Variants in CHRDL2 observed in about 807,000 individuals in gnomAD.
CHRDL2 encodes chordin-like protein 2.
Under a neutral mutation model 54.3 loss-of-function variants are expected in CHRDL2, and 41 were observed. That is an observed-to-expected ratio of 0.76 (90% confidence interval 0.59 to 0.98). The LOEUF is 0.98. CHRDL2 is among the 50% of genes least tolerant of loss of function. CHRDL2 has a pLI of 0.00. For synonymous variants in CHRDL2, 220 were observed against 224.3 expected, an observed-to-expected ratio of 0.98 and a Z score of 0.17; for missense variants, 518 against 562.4, an observed-to-expected ratio of 0.92 and a Z score of 0.80.
intron 9 of CHRDL2, among the ~76,000 whole-genome samples, chr11:74,701,862 A>T (rs533340360): frequency 6.6e-6 from 1 of 152,376 alleles, no homozygotes; most frequent in South Asian, 2.1e-4. Context: ...CACACTTAAA[A>T]GAGTTTAATT....
rs201197716 is a variant in CHRDL2, at chr11:74,730,916, C to A, written c.-28G>T. 2.7e-5 allele frequency: 42 copies of A among 1,582,922 alleles called. No homozygotes were observed. In the African/African-American group the frequency reaches 5.1e-4, roughly 19 times the overall value. On this transcript the variant is annotated 5_prime_UTR_variant, in exon 1 of 11. Transcript: ENST00000376332. ...TTTCCCCAGGGTCAGGCCGCTGGTCCGGGAGCGGAGTCGGGAGGAAGGGAG... is the reference window on the plus strand; with the variant it reads ...TTTCCCCAGGGTCAGGCCGCTGGTCAGGGAGCGGAGTCGGGAGGAAGGGAG...
chr11:74,715,005 T>A (rs1021889180), intron 2 of CHRDL2, among the ~76,000 whole-genome samples: 1 of 152,198 alleles, frequency 6.6e-6, no homozygotes, highest in Non-Finnish European at 1.5e-5. Flanking sequence ...TCATCCCACT[T>A]CGTCTTCTCA....
At position 74,704,374 on chromosome 11, in the gene CHRDL2, T is replaced by A. The variant is rs2033930418; in HGVS notation, c.751+112A>T. The A allele has an allele frequency of 4.9e-6, 5 of 1,023,694 alleles. No homozygotes were observed. In the Admixed American group the frequency reaches 8.4e-5, roughly 17 times the overall value. 63.4% of individuals were successfully genotyped at this position (1,023,694 alleles called of 1,614,324 possible). A position where few individuals can be genotyped will look rare whatever the true frequency, so the allele number is the denominator to read the frequency against. Reference sequence around the variant, plus strand: ...CCGAGTCTACAAGCTCATGGCCAAGTTGGAATTAGGGAACTGCTGAGGAGA... The same window carrying A: ...CCGAGTCTACAAGCTCATGGCCAAGATGGAATTAGGGAACTGCTGAGGAGA... On this transcript the variant is annotated intron_variant, in intron 7 of 10. Transcript: ENST00000376332.
intron 1 of CHRDL2, among the ~76,000 whole-genome samples, chr11:74,726,403 T>C (rs988178816): frequency 2.6e-5 from 4 of 152,118 alleles, no homozygotes; most frequent in African/African-American, 9.7e-5. Context: ...ACCCATCCCC[T>C]ACTAGGCAGG....
In CHRDL2 at chr11:74,717,521, G is replaced by A. The variant is rs375530809; in HGVS notation, c.195+1199C>T. On this transcript the variant is annotated intron_variant, in intron 2 of 10. Coordinates refer to ENST00000376332, the MANE Select transcript of CHRDL2 (RefSeq NM_001278473.3). ...GGCAAACCGAGGGGAGGCAGTCATG[G>A]TGGGGGTTGTGTCCCCATTTCTACT... 5.3e-5 allele frequency among the ~76,000 whole-genome samples: 8 copies of A among 152,312 alleles called. No individual in the cohort carries two copies. The East Asian group carries it at 1.2e-3, about 22-fold the overall frequency.
At chr11:74,699,558 C>A (rs2033730654) in intron 9 of CHRDL2, 1 of 152,258 alleles carries the variant, frequency 6.6e-6, no homozygotes, top group South Asian at 2.1e-4. Context: ...GTGCCAGATA[C>A]CATCAAGCCA....
rs2033599696 is a variant in CHRDL2 at position 74,696,584 on chromosome 11, A to T, written c.1215T>A (p.Gly405=). 2 of 1,612,788 alleles carry T rather than the reference A, an allele frequency of 1.2e-6. No individual in the cohort carries two copies. Among genetic ancestry groups the T allele is most frequent in the South Asian group, 2.2e-5 (2 of 91,030 alleles). Residue 405 remains glycine, a splice_region_variant and synonymous_variant, in exon 11 of 11, where the codon GGT becomes GGA. Coordinates refer to ENST00000376332, the MANE Select transcript of CHRDL2 (RefSeq NM_001278473.3). ...HFRLLAGPHE[G]HWNVFLAQTL... ...TCTGGGCTAGGAAGACGTTCCAGTG[A>T]CCTGCATGGAGGAGGGCAGAAGAGG...
intron 1 of CHRDL2, among the ~76,000 whole-genome samples, chr11:74,719,733 A>T (rs1245195012): frequency 6.6e-6 from 1 of 152,200 alleles, no homozygotes. Flanking sequence ...GAATGCTTCT[A>T]AGAATTACTA....
chr11:74,711,871 A>G (rs1318256949), intron 3 of CHRDL2, among the ~76,000 whole-genome samples: 2 of 151,240 alleles, frequency 1.3e-5, no homozygotes, highest in African/African-American at 4.9e-5. Flanking sequence ...GTGCAGTGGC[A>G]CGATCTCAGC....
intron 9 of CHRDL2, among the ~76,000 whole-genome samples, chr11:74,700,643 A>ATTATT (rs1554984229): frequency 1.8e-4 from 25 of 136,032 alleles, no homozygotes; most frequent in African/African-American, 4.5e-4. Context: ...TATTATTATT[A>ATTATT]TTTTTTTTTT....
intron 1 of CHRDL2, among the ~76,000 whole-genome samples, chr11:74,725,096 C>T (rs942451949): frequency 6.6e-6 from 1 of 152,008 alleles, no homozygotes; most frequent in Non-Finnish European, 1.5e-5. Context: ...CAGGTTCAAG[C>T]GATTCTCCTG....
intron 2 of CHRDL2, among the ~76,000 whole-genome samples, chr11:74,715,159 T>C (rs1320210386): frequency 6.6e-6 from 1 of 152,216 alleles, no homozygotes; most frequent in African/African-American, 2.4e-5. Context: ...GAGCTGCCTC[T>C]GGTGGGTAGA....
chr11:74,727,640 A>C (rs780730025), intron 1 of CHRDL2, among the ~76,000 whole-genome samples: 3 of 152,132 alleles, frequency 2.0e-5, no homozygotes, highest in Non-Finnish European at 2.9e-5. Flanking sequence ...CCTGGGCTCA[A>C]GTAATCCATC....
intron 6 of CHRDL2, 112 bp downstream of exon 6, chr11:74,706,375 A>G: frequency 9.6e-7 from 1 of 1,046,200 alleles, no homozygotes; most frequent in African/African-American, 1.6e-5. Flanking sequence ...AACCCAGGGG[A>G]CAAACAAGAA....
At chr11:74,701,120 C>G (rs771994204) in intron 9 of CHRDL2, 1 of 153,114 alleles carries the variant, frequency 6.5e-6, no homozygotes, top group Non-Finnish European at 1.5e-5. Flanking sequence ...AAAGCTGCCT[C>G]TCTGCATTTC....
intron 1 of CHRDL2, among the ~76,000 whole-genome samples, chr11:74,729,600 C>T (rs758001268): frequency 1.3e-5 from 2 of 152,148 alleles, no homozygotes; most frequent in African/African-American, 2.4e-5. Context: ...GAAACAAGAC[C>T]GTAACAAAGT....
At chr11:74,730,533 T>C (rs1478503217) in intron 1 of CHRDL2, among the ~76,000 whole-genome samples, 2 of 151,938 alleles carry the variant, frequency 1.3e-5, no homozygotes, top group Non-Finnish European at 2.9e-5. Flanking sequence ...CAGTAAGTCC[T>C]CCCCCAACCC....
chr11:74,721,408 G>A (rs1359306434), intron 1 of CHRDL2, among the ~76,000 whole-genome samples: 2 of 152,232 alleles, frequency 1.3e-5, no homozygotes. Context: ...CAGAAAGAGT[G>A]TCTCAGCCAA....
chr11:74,697,226 G>A lies in CHRDL2; in HGVS notation c.1192C>T (p.Leu398=). 1 of 1,613,910 alleles carries A rather than the reference G, an allele frequency of 6.2e-7. No homozygotes were observed. Among genetic ancestry groups the A allele is most frequent in the Non-Finnish European group, 8.5e-7 (1 of 1,179,940 alleles). Residue 398 remains leucine (L), a synonymous_variant, in exon 10 of 11, where the codon CTG becomes TTG. Coordinates refer to ENST00000376332, the MANE Select transcript of CHRDL2 (RefSeq NM_001278473.3). Reference sequence around the variant, plus strand: ...CTACCTTCGTGGGGGCCAGCGAGCAGTCGGAAGTGCTGTGCCTCTTTCTGG... The same window carrying A: ...CTACCTTCGTGGGGGCCAGCGAGCAATCGGAAGTGCTGTGCCTCTTTCTGG... ...DFQKEAQHFR[L]LAGPHEGHWN...
Sources: gnomAD v4.1 joint callset for allele counts (sites outside exome capture counted in the v4.1 genomes callset) on GRCh38, gnomAD v4.1.1 for gene constraint, MANE v1.5 for transcripts, NCBI Gene and HGNC (gene_info 2026-07-23, HGNC 2026-07-21) for gene names.